The following PITPNM2 variants were observed in gnomAD, a reference collection of about 807,000 sequenced individuals.
PITPNM2 encodes the protein phosphatidylinositol transfer protein membrane associated 2.
PITPNM2 carries 35 observed loss-of-function variants against 132.2 expected under a neutral mutation model. The observed-to-expected ratio is 0.26, with a 90% CI of 0.20 to 0.35. The LOEUF (loss-of-function observed/expected upper bound fraction) is 0.35. Ranked by LOEUF, PITPNM2 falls within the 10% of genes least tolerant of loss-of-function variation. The probability of loss-of-function intolerance (pLI) is 1.00; values close to 1 mark genes in which losing one functional copy is unlikely to be tolerated. For missense variants in PITPNM2, 1,332 were observed against 1,912.0 expected, an observed-to-expected ratio of 0.70 and a Z score of 5.66; for synonymous variants, 738 against 799.2, an observed-to-expected ratio of 0.92 and a Z score of 1.29.
intron 1 of PITPNM2, among the ~76,000 whole-genome samples, chr12:123,116,799 C>T (rs1029590780): frequency 5.9e-5 from 9 of 152,096 alleles, no homozygotes; most frequent in African/African-American, 1.4e-4. Context: ...AGGAGGGGAA[C>T]GGATGTTCCA....
intron 1 of PITPNM2, among the ~76,000 whole-genome samples, chr12:123,148,958 A>C (rs1593039797): frequency 6.6e-6 from 1 of 152,202 alleles, no homozygotes; most frequent in East Asian, 1.9e-4. Context: ...ATGCCTTTGA[A>C]AGCCTCTAGG....
At chr12:123,012,974 C>T (rs779972638) in intron 4 of PITPNM2, among the ~76,000 whole-genome samples, 1 of 152,200 alleles carries the variant, frequency 6.6e-6, no homozygotes, top group Admixed American at 6.5e-5. Flanking sequence ...TCCTCAGTGG[C>T]TTCTAGAAGC....
At chr12:123,037,754 A>G (rs1218386838) in intron 2 of PITPNM2, among the ~76,000 whole-genome samples, 1 of 152,198 alleles carries the variant, frequency 6.6e-6, no homozygotes, top group Non-Finnish European at 1.5e-5. Flanking sequence ...AGCCAGATTC[A>G]TAATGTTCCT....
Position 123,071,500 on chromosome 12 carries a change from C to T in PITPNM2, c.-95-36815G>A, listed in dbSNP as rs946414792. On this transcript the variant is annotated intron_variant, in intron 2 of 25. Coordinates refer to ENST00000320201, the MANE Select transcript of PITPNM2 (RefSeq NM_020845.3). ...AGGGAGTGGCTCTGGGTTCAGGTGGCTGGCAGGGTACAAACGGCTCGATGA... is the reference window on the plus strand; with the variant it reads ...AGGGAGTGGCTCTGGGTTCAGGTGGTTGGCAGGGTACAAACGGCTCGATGA... Among the ~76,000 whole-genome samples the T allele has an allele frequency of 2.6e-5, 4 of 152,204 alleles. No homozygotes were observed. The South Asian group carries it at 8.3e-4, about 32-fold the overall frequency.
At chr12:123,125,556 T>C (rs891295318) in intron 1 of PITPNM2, among the ~76,000 whole-genome samples, 12 of 152,020 alleles carry the variant, frequency 7.9e-5, no homozygotes, top group African/African-American at 2.7e-4. Context: ...AGAAAATGCA[T>C]GGTACAGGCC....
At chr12:123,125,716 A>G (rs12229712) in intron 1 of PITPNM2, among the ~76,000 whole-genome samples, 6,305 of 148,520 alleles carry the variant, frequency 0.042, 437 homozygotes, top group African/African-American at 0.15. Context: ...GGTGGCAGGC[A>G]CCTGTAATCC....
At chr12:123,038,377 G>A (rs117559704) in intron 2 of PITPNM2, among the ~76,000 whole-genome samples, 2,127 of 152,368 alleles carry the variant, frequency 0.014, 20 homozygotes, top group Non-Finnish European at 0.022. Flanking sequence ...GGATCTGACT[G>A]CAAAGCCTCA....
At chr12:123,035,849 A>G (rs1279490462) in intron 2 of PITPNM2, among the ~76,000 whole-genome samples, 2 of 152,144 alleles carry the variant, frequency 1.3e-5, no homozygotes, top group African/African-American at 4.8e-5. Flanking sequence ...GATGGATGAT[A>G]AATAAATTTT....
At chr12:123,070,401 T>C (rs900812230) in intron 2 of PITPNM2, among the ~76,000 whole-genome samples, 4 of 152,106 alleles carry the variant, frequency 2.6e-5, no homozygotes, top group Admixed American at 6.5e-5. Flanking sequence ...GTGTGGGCAA[T>C]GGCACCGCTG....
chr12:122,987,726 A>T, intron 21 of PITPNM2, 59 bp downstream of exon 21: 1 of 1,612,294 alleles, frequency 6.2e-7, no homozygotes, highest in Non-Finnish European at 8.5e-7. Flanking sequence ...CCCCGGCCAG[A>T]GGGCAGCAGG....
chr12:123,010,102 C>G (rs574080346), intron 5 of PITPNM2, 25 bp from the exon 6 acceptor site: 2 of 1,570,574 alleles, frequency 1.3e-6, no homozygotes, highest in East Asian at 4.5e-5. Context: ...TTAGAGTGGC[C>G]ACTTCTGCCC....
rs1291939210 is a variant in PITPNM2 at position 123,058,493 on chromosome 12, C to T, written c.-95-23808G>A. 6.6e-6 allele frequency among the ~76,000 whole-genome samples: 1 copy of T among 152,200 alleles called. No individual in the cohort carries two copies. Among genetic ancestry groups the T allele is most frequent in the African/African-American group, 2.4e-5 (1 of 41,450 alleles). ...GATGCAACCATGTTTGCCAGCTCCC[C>T]AGAATGTCACTGGAAGCCATCATGC... On this transcript the variant is annotated intron_variant, in intron 2 of 25. Transcript: ENST00000320201. This position sits in a 1 kb window ranked among gnomAD's most constrained non-coding sequence, Gnocchi z 4.0.
chr12:123,027,983 C>T (rs1167445099), intron 3 of PITPNM2, among the ~76,000 whole-genome samples: 4 of 152,340 alleles, frequency 2.6e-5, no homozygotes, highest in Non-Finnish European at 4.4e-5. Context: ...CTCGTCCCTG[C>T]CTACCATTCC....
intron 2 of PITPNM2, among the ~76,000 whole-genome samples, chr12:123,038,709 T>C (rs1188259875): frequency 6.6e-6 from 1 of 151,336 alleles, no homozygotes; most frequent in Non-Finnish European, 1.5e-5. Context: ...CTTCCCACCA[T>C]GTGCCCCTGG....
intron 17 of PITPNM2, 133 bp from the exon 18 acceptor site, chr12:122,990,081 A>G: frequency 1.4e-6 from 1 of 713,454 alleles, no homozygotes; most frequent in Non-Finnish European, 2.0e-6. Flanking sequence ...GGCCCTCCTC[A>G]CGGATGAACA....
intron 1 of PITPNM2, among the ~76,000 whole-genome samples, chr12:123,121,646 A>T (rs1475150380): frequency 6.6e-6 from 1 of 151,834 alleles, no homozygotes; most frequent in African/African-American, 2.4e-5. Flanking sequence ...TCCTGGCTCA[A>T]ACAAACCTCC....
chr12:123,133,826 G>T (rs935615283), intron 1 of PITPNM2, among the ~76,000 whole-genome samples: 1 of 126,824 alleles, frequency 7.9e-6, no homozygotes, highest in Non-Finnish European at 1.7e-5. Context: ...ACACACACAC[G>T]CTCCTCCCTC....
Position 123,004,413 on chromosome 12 carries a change from A to G in PITPNM2, c.1029T>C (p.Asp343=). The change falls in exon 8 of 26, where the codon GAT becomes GAC. Residue 343 remains aspartate, a synonymous_variant. Transcript: ENST00000320201. The surrounding 1 kb of genome is among the most constrained non-coding windows in gnomAD (Gnocchi z 4.9). ...GCCTACCGTGCGCATCGAAGAACTC[A>G]TCATCTGAGCTCTCATCCGAGTCCC... is the stretch of plus-strand genomic sequence containing the variant. ...IARDSDESSD[D]EFFDAHEDLS... The G allele has an allele frequency of 6.2e-7, 1 of 1,613,904 alleles. No individual in the cohort carries two copies. The highest frequency in any genetic ancestry group is 8.5e-7 in the Non-Finnish European group (1 of 1,180,026).
intron 1 of PITPNM2, among the ~76,000 whole-genome samples, chr12:123,121,746 T>C (rs2137443846): frequency 1.3e-5 from 2 of 152,140 alleles, no homozygotes; most frequent in East Asian, 3.9e-4. Flanking sequence ...GAAAGGTCTA[T>C]GTTGTCCAGG....
Sources: allele counts gnomAD v4.1 joint callset (sites outside exome capture counted in the v4.1 genomes callset), GRCh38; gene constraint gnomAD v4.1.1; non-coding constraint Gnocchi (gnomAD v3.1); transcripts MANE v1.5; gene names NCBI Gene and HGNC (gene_info 2026-07-23, HGNC 2026-07-21).